Variants in CLVS1 observed in about 807,000 individuals in gnomAD.
CLVS1 encodes clavesin 1, also known as clavesin-1.
A neutral mutation model predicts 33.1 loss-of-function variants in CLVS1; 10 were observed. The observed-to-expected ratio is 0.30, with a 90% confidence interval of 0.19 to 0.51. The LOEUF is 0.51. Ranked by LOEUF, CLVS1 falls within the 20% of genes least tolerant of loss-of-function variation. The pLI is 0.97. For missense variants in CLVS1, 343 were observed against 433.4 expected, an observed-to-expected ratio of 0.79 and a Z score of 1.85; for synonymous variants, 163 against 166.1, an observed-to-expected ratio of 0.98 and a Z score of 0.14.
At chr8:61,411,721 C>T (rs1815233012) in intron 3 of CLVS1, among the ~76,000 whole-genome samples, 2 of 152,298 alleles carry the variant, frequency 1.3e-5, no homozygotes, top group Non-Finnish European at 2.9e-5. Context: ...GAGCCCTGGC[C>T]TTTCATCCTG....
the CLVS1 span, among the ~76,000 whole-genome samples, chr8:61,046,532 A>G: frequency 6.9e-6 from 1 of 145,528 alleles, no homozygotes; most frequent in Non-Finnish European, 1.5e-5. Context: ...GAAGAAAGTC[A>G]TTGGTAGCTT....
the CLVS1 span, among the ~76,000 whole-genome samples, chr8:61,034,427 C>G: frequency 6.6e-6 from 1 of 151,788 alleles, no homozygotes; most frequent in Non-Finnish European, 1.5e-5. Flanking sequence ...TTGAAATATA[C>G]AGTATATTAT....
intron 3 of CLVS1, among the ~76,000 whole-genome samples, chr8:61,414,057 G>A (rs1294667445): frequency 1.3e-5 from 2 of 152,278 alleles, no homozygotes; most frequent in South Asian, 4.1e-4. Context: ...ATGTGAGTAT[G>A]GTGTGTGCCC....
intron 1 of CLVS1, among the ~76,000 whole-genome samples, chr8:61,080,720 C>G (rs1401158534): frequency 1.3e-5 from 2 of 152,198 alleles, no homozygotes; most frequent in African/African-American, 4.8e-5. Flanking sequence ...GGTACAGACT[C>G]TGTCCTTACA....
the CLVS1 span, among the ~76,000 whole-genome samples, chr8:61,035,187 CT>C: frequency 0.024 from 3,095 of 129,344 alleles, 98 homozygotes; most frequent in African/African-American, 0.079. Flanking sequence ...TTTCTTTTTT[CT>C]TTTTTTTTTT....
intron 2 of CLVS1, among the ~76,000 whole-genome samples, chr8:61,215,219 C>A (rs1447623994): frequency 6.6e-6 from 1 of 152,104 alleles, no homozygotes; most frequent in Non-Finnish European, 1.5e-5. Context: ...AAAAATCAGA[C>A]TTAAAGTTTA....
chr8:61,394,386 A>G (rs1386492572), intron 3 of CLVS1, among the ~76,000 whole-genome samples: 1 of 152,134 alleles, frequency 6.6e-6, no homozygotes, highest in African/African-American at 2.4e-5. Context: ...GGGCTGGGCC[A>G]TAGAGCTCCT....
chr8:61,099,143 G>T (rs1415789282), intron 1 of CLVS1, among the ~76,000 whole-genome samples: 1 of 152,140 alleles, frequency 6.6e-6, no homozygotes, highest in Non-Finnish European at 1.5e-5. Flanking sequence ...TTTTAAGTTT[G>T]ACAAACAATG....
intron 2 of CLVS1, among the ~76,000 whole-genome samples, chr8:61,371,569 A>G (rs746560630): frequency 2.0e-5 from 3 of 152,184 alleles, no homozygotes; most frequent in East Asian, 1.9e-4. Flanking sequence ...ACTCCATCAT[A>G]TCTTTACATG....
intron 2 of CLVS1, among the ~76,000 whole-genome samples, chr8:61,203,443 T>C (rs184685104): frequency 2.6e-5 from 4 of 152,214 alleles, no homozygotes. Flanking sequence ...TAAGTATGTA[T>C]GGAATGTTAT....
intron 2 of CLVS1, among the ~76,000 whole-genome samples, chr8:61,173,274 T>C (rs1807044715): frequency 6.6e-6 from 1 of 152,230 alleles, no homozygotes; most frequent in Non-Finnish European, 1.5e-5. Context: ...AAAATGAAGT[T>C]AGATTGAAGT....
rs56077540 is a variant in CLVS1 at position 61,353,169 on chromosome 8, G to A, written c.456-23436G>A. Among the ~76,000 whole-genome samples, 457 of 152,078 alleles carry A rather than the reference G, an allele frequency of 3.0e-3. 2 individuals are homozygous for A. The highest frequency in any genetic ancestry group is 0.01 in the African/African-American group (423 of 41,554). Reference sequence around the variant, plus strand: ...AGCAACTGATAGAACTTAGACAGAAGATTTGAACAACGCAATCAACCAACA... The same window carrying A: ...AGCAACTGATAGAACTTAGACAGAAAATTTGAACAACGCAATCAACCAACA... On this transcript the variant is annotated intron_variant, in intron 2 of 5. Transcript: ENST00000325897.
At chr8:61,175,375 C>G (rs1276546663) in intron 2 of CLVS1, among the ~76,000 whole-genome samples, 1 of 152,152 alleles carries the variant, frequency 6.6e-6, no homozygotes, top group African/African-American at 2.4e-5. Flanking sequence ...AAGCCTTCAT[C>G]AGACCCTGAA....
the CLVS1 span, among the ~76,000 whole-genome samples, chr8:61,014,050 C>T: frequency 0.017 from 2,599 of 151,028 alleles, 73 homozygotes; most frequent in African/African-American, 0.059. Context: ...GGGAATTAGA[C>T]TCATCTGCAA....
chr8:61,036,928 G>A, the CLVS1 span, among the ~76,000 whole-genome samples: 3 of 152,148 alleles, frequency 2.0e-5, no homozygotes, highest in Non-Finnish European at 2.9e-5. Context: ...AACACCCATC[G>A]TGGGTGAGAT....
intron 3 of CLVS1, 126 bp from the exon 4 acceptor site, chr8:61,454,015 T>G: frequency 1.4e-6 from 1 of 720,650 alleles, no homozygotes; most frequent in Non-Finnish European, 2.5e-6. Flanking sequence ...CTTCCTCTCC[T>G]CATCCTGAAG....
intron 2 of CLVS1, among the ~76,000 whole-genome samples, chr8:61,359,594 G>T (rs531531149): frequency 6.6e-6 from 1 of 152,142 alleles, no homozygotes; most frequent in South Asian, 2.1e-4. Context: ...GGCCTTGGGT[G>T]ATCCACCTGC....
intron 2 of CLVS1, among the ~76,000 whole-genome samples, chr8:61,238,797 ATTGG>A (rs1808627171): frequency 6.6e-6 from 1 of 152,240 alleles, no homozygotes; most frequent in Admixed American, 6.5e-5. Context: ...TCAATCTGCT[ATTGG>A]AGCTATTGAG....
chr8:61,360,321 G>A (rs915858565), intron 2 of CLVS1, among the ~76,000 whole-genome samples: 10 of 152,114 alleles, frequency 6.6e-5, no homozygotes, highest in African/African-American at 2.4e-4. Flanking sequence ...GATGATTCTA[G>A]AAGTCCCCTT....
Sources: allele counts gnomAD v4.1 joint callset (sites outside exome capture counted in the v4.1 genomes callset), GRCh38; gene constraint gnomAD v4.1.1; transcripts MANE v1.5; gene names NCBI Gene and HGNC (gene_info 2026-07-23, HGNC 2026-07-21).